CEP70: variants seen among roughly 807,000 people sequenced by gnomAD.
CEP70 encodes centrosomal protein of 70 kDa.
A neutral mutation model predicts 90.9 loss-of-function variants in CEP70; 70 were observed. The observed-to-expected ratio is 0.77, with a 90% CI of 0.64 to 0.94. CEP70 has a LOEUF of 0.94. Among genes scored for constraint, CEP70 ranks in the 40% least tolerant of loss-of-function variants. The probability of loss-of-function intolerance (pLI) is 0.00; values close to 1 mark genes in which losing one functional copy is unlikely to be tolerated. For missense variants in CEP70, 648 were observed against 669.0 expected (o/e 0.97, Z 0.35); for synonymous variants, 220 against 228.3 (o/e 0.96, Z 0.33).
chr3:138,566,133 C>G (rs2040769847), intron 6 of CEP70, among the ~76,000 whole-genome samples: 1 of 152,200 alleles, frequency 6.6e-6, no homozygotes, highest in South Asian at 2.1e-4. Context: ...GAGATACCAT[C>G]TCATGCCATT....
chr3:138,579,550 G>A (rs945197724), intron 2 of CEP70, among the ~76,000 whole-genome samples: 2 of 151,816 alleles, frequency 1.3e-5, no homozygotes, highest in African/African-American at 2.4e-5. Flanking sequence ...AGGGCACTGA[G>A]CAGAGTTATG....
chr3:138,581,948 A>T (rs2041882899), intron 2 of CEP70, among the ~76,000 whole-genome samples: 1 of 152,132 alleles, frequency 6.6e-6, no homozygotes, highest in African/African-American at 2.4e-5. Context: ...AGCTCCGTAT[A>T]GGCCAAGAGT....
At chr3:138,569,920 G>A (rs777127955) in intron 6 of CEP70, among the ~76,000 whole-genome samples, 1 of 152,164 alleles carries the variant, frequency 6.6e-6, no homozygotes, top group Non-Finnish European at 1.5e-5. Context: ...TAGATATCCA[G>A]TAGAGATATC....
At chr3:138,537,758 A>T (rs1450996810) in intron 6 of CEP70, among the ~76,000 whole-genome samples, 7 of 152,164 alleles carry the variant, frequency 4.6e-5, no homozygotes, top group Non-Finnish European at 1.0e-4. Flanking sequence ...CTGCAAACTC[A>T]CAGTAAGTCC....
intron 6 of CEP70, among the ~76,000 whole-genome samples, chr3:138,546,615 G>T (rs971417742): frequency 6.6e-6 from 1 of 152,102 alleles, no homozygotes; most frequent in Non-Finnish European, 1.5e-5. Context: ...TGGGCGTAGT[G>T]GTGGGTGCCT....
At chr3:138,528,210 A>G (rs1253043706) in intron 10 of CEP70, among the ~76,000 whole-genome samples, 2 of 151,784 alleles carry the variant, frequency 1.3e-5, no homozygotes, top group African/African-American at 2.4e-5. Context: ...ACACCCAGCT[A>G]ATTTTTATAT....
intron 6 of CEP70, among the ~76,000 whole-genome samples, chr3:138,544,224 T>TA (rs906494517): frequency 3.2e-4 from 47 of 147,218 alleles, no homozygotes; most frequent in African/African-American, 6.5e-4. Context: ...ACAGGTACAC[T>TA]AAAAAAAAAG....
At chr3:138,506,369 T>C (rs1470980967) in intron 12 of CEP70, among the ~76,000 whole-genome samples, 2 of 152,086 alleles carry the variant, frequency 1.3e-5, no homozygotes, top group Admixed American at 1.3e-4. Flanking sequence ...GATGCCTGGA[T>C]TGAATTTTAG....
At chr3:138,561,199 A>C (rs1352950109) in intron 6 of CEP70, among the ~76,000 whole-genome samples, 1 of 152,202 alleles carries the variant, frequency 6.6e-6, no homozygotes, top group African/African-American at 2.4e-5. Flanking sequence ...GAAGGAACAG[A>C]CAGCAATCTT....
intron 10 of CEP70, among the ~76,000 whole-genome samples, chr3:138,527,654 C>T (rs2107736627): frequency 6.7e-6 from 1 of 148,760 alleles, no homozygotes; most frequent in South Asian, 2.2e-4. Context: ...AACATCGTGC[C>T]ACAGCACTCC....
At chr3:138,508,397 G>C in intron 12 of CEP70, 42 bp downstream of exon 12, 1 of 1,262,670 alleles carries the variant, frequency 7.9e-7, no homozygotes, top group Non-Finnish European at 1.2e-6. Context: ...CAAGATTCAT[G>C]ACAAACATCA....
chr3:138,525,301 T>C (rs1189808802), intron 11 of CEP70, among the ~76,000 whole-genome samples, 189 bp downstream of exon 11: 1 of 151,980 alleles, frequency 6.6e-6, no homozygotes, highest in African/African-American at 2.4e-5. Context: ...CATTAGGAGA[T>C]ATACCTAATG....
chr3:138,508,706 T>A (rs916449222), intron 11 of CEP70, among the ~76,000 whole-genome samples, 162 bp from the exon 12 acceptor site: 6 of 152,222 alleles, frequency 3.9e-5, no homozygotes, highest in African/African-American at 1.4e-4. Flanking sequence ...TATAAACACA[T>A]ACATATATGC....
intron 2 of CEP70, among the ~76,000 whole-genome samples, chr3:138,574,187 C>T (rs1392563445): frequency 3.3e-5 from 5 of 152,154 alleles, no homozygotes. Flanking sequence ...CCATTCCTAG[C>T]CAAAGGAAGC....
intron 11 of CEP70, among the ~76,000 whole-genome samples, chr3:138,520,813 CT>C (rs1419625868): frequency 1.3e-5 from 2 of 152,016 alleles, no homozygotes; most frequent in Non-Finnish European, 2.9e-5. Flanking sequence ...CGGTCTCCCC[CT>C]CTCCCTCGTC....
rs376669526 is a variant in CEP70, at chr3:138,591,801, AT to A, written c.-6+52del. ...TAGTATAGTACTCAATAAATATTAGATTTTTTTCCATGGCCTCCCAACATCT... is the reference window on the plus strand; with the variant it reads ...TAGTATAGTACTCAATAAATATTAGATTTTTTCCATGGCCTCCCAACATCT... On this transcript the variant is annotated intron_variant, in intron 2 of 17. Transcript: ENST00000264982. 660 of 1,465,688 alleles carry A rather than the reference AT, an allele frequency of 4.5e-4. 1 individual carries two copies. In the African/African-American group the frequency reaches 8.2e-3, roughly 18 times the overall value. 90.8% of individuals were successfully genotyped at this position (1,465,688 alleles called of 1,614,324 possible). A position where few individuals can be genotyped will look rare whatever the true frequency, so the allele number is the denominator to read the frequency against.
chr3:138,522,661 A>G (rs1332379762), intron 11 of CEP70, among the ~76,000 whole-genome samples: 1 of 152,204 alleles, frequency 6.6e-6, no homozygotes, highest in Non-Finnish European at 1.5e-5. Context: ...ACACCCTCCC[A>G]AGACTAAACC....
Position 138,591,904 on chromosome 3 carries a change from A to C in CEP70, c.-56T>G, listed in dbSNP as rs761364807. Reference sequence around the variant, plus strand: ...ACTTTACACCTGGTCATTCAGGTTGATCTCAATGAAATGATCACCCAACGA... The same window carrying C: ...ACTTTACACCTGGTCATTCAGGTTGCTCTCAATGAAATGATCACCCAACGA... On this transcript the variant is annotated 5_prime_UTR_variant, in exon 2 of 18. Transcript: ENST00000264982. The C allele has an allele frequency of 1.4e-6, 2 of 1,471,570 alleles. No individual in the cohort carries two copies. Among genetic ancestry groups the C allele is most frequent in the Non-Finnish European group, 1.8e-6 (2 of 1,108,260 alleles). 91.2% of individuals were successfully genotyped at this position (1,471,570 alleles called of 1,614,324 possible).
At position 138,520,193 on chromosome 3, in the gene CEP70, G is replaced by C. The variant is rs1245289789; in HGVS notation, c.944+5297C>G. ...CCCAGATTCATAAAGCAAGTCCTTA[G>C]AGACCTACAAAGAGACTTAGACTCC... On this transcript the variant is annotated intron_variant, in intron 11 of 17. Transcript: ENST00000264982. Among the ~76,000 whole-genome samples the C allele has an allele frequency of 2.0e-5, 3 of 152,138 alleles. No individual in the cohort carries two copies. In the East Asian group the frequency reaches 5.8e-4, roughly 29 times the overall value.
Sources: gnomAD v4.1 joint callset for allele counts (sites outside exome capture counted in the v4.1 genomes callset) on GRCh38, gnomAD v4.1.1 for gene constraint, MANE v1.5 for transcripts, NCBI Gene and HGNC (gene_info 2026-07-23, HGNC 2026-07-21) for gene names.